The following GRIK2 variants were observed in gnomAD, a reference collection of about 807,000 sequenced individuals.
The protein encoded by GRIK2 is glutamate ionotropic receptor kainate type subunit 2.
Under a neutral mutation model 100.3 loss-of-function variants are expected in GRIK2, and 32 were observed. The observed-to-expected ratio is 0.32, with a 90% CI of 0.24 to 0.43. GRIK2 has a LOEUF of 0.43. Ranked by LOEUF, GRIK2 falls within the 20% of genes least tolerant of loss-of-function variation. The probability of loss-of-function intolerance (pLI) is 1.00; values close to 1 mark genes in which losing one functional copy is unlikely to be tolerated. For missense variants in GRIK2, 843 were observed against 1,114.9 expected, an observed-to-expected ratio of 0.76 and a Z score of 3.47; for synonymous variants, 417 against 389.4, an observed-to-expected ratio of 1.07 and a Z score of -0.83.
At chr6:101,878,742 C>T (rs1000011871) in intron 11 of GRIK2, among the ~76,000 whole-genome samples, 1 of 151,856 alleles carries the variant, frequency 6.6e-6, no homozygotes, top group Non-Finnish European at 1.5e-5. Flanking sequence ...CCTAATCTTT[C>T]TTCATTATTT....
intron 13 of GRIK2, chr6:101,927,309 C>A: frequency 2.7e-6 from 2 of 735,882 alleles, no homozygotes; most frequent in Non-Finnish European, 3.3e-6. Context: ...TACCTTACTG[C>A]ATCAGAGATT....
chr6:101,773,644 T>G (rs977221116), intron 7 of GRIK2, among the ~76,000 whole-genome samples: 3 of 152,138 alleles, frequency 2.0e-5, no homozygotes, highest in Non-Finnish European at 2.9e-5. Context: ...GTTAACATAC[T>G]TGAGATTTTC....
intron 2 of GRIK2, among the ~76,000 whole-genome samples, chr6:101,511,089 T>C (rs1201007927): frequency 3.3e-5 from 5 of 152,182 alleles, no homozygotes; most frequent in Non-Finnish European, 4.4e-5. Flanking sequence ...GGGAAGTTGC[T>C]CTAGCACCAG....
chr6:101,695,988 TA>T (rs896713835), intron 7 of GRIK2, among the ~76,000 whole-genome samples: 6 of 151,838 alleles, frequency 4.0e-5, no homozygotes, highest in Admixed American at 1.3e-4. Flanking sequence ...CATCATAAAA[TA>T]AAAAAAATCA....
chr6:102,050,030 A>G (rs974644436), intron 15 of GRIK2, among the ~76,000 whole-genome samples: 36 of 152,264 alleles, frequency 2.4e-4, no homozygotes, highest in African/African-American at 8.2e-4. Flanking sequence ...AGAAATGCTG[A>G]CTGCATTTAC....
At chr6:101,616,409 A>G (rs1014874030) in intron 2 of GRIK2, among the ~76,000 whole-genome samples, 2 of 151,832 alleles carry the variant, frequency 1.3e-5, no homozygotes, top group African/African-American at 2.4e-5. Context: ...AAATGAACCA[A>G]GGTTAATATA....
intron 12 of GRIK2, among the ~76,000 whole-genome samples, chr6:101,900,431 C>T (rs1389246491): frequency 1.3e-5 from 2 of 152,070 alleles, no homozygotes; most frequent in Non-Finnish European, 2.9e-5. Flanking sequence ...GAGCCGAGAT[C>T]GCGCCATTGC....
At chr6:101,678,704 A>G (rs1033426420) in intron 5 of GRIK2, among the ~76,000 whole-genome samples, 5 of 152,204 alleles carry the variant, frequency 3.3e-5, no homozygotes, top group African/African-American at 1.2e-4. Context: ...TGGAACTCCT[A>G]AGACATGGTA....
chr6:101,632,518 A>G (rs1189047292), intron 4 of GRIK2, among the ~76,000 whole-genome samples: 1 of 152,168 alleles, frequency 6.6e-6, no homozygotes, highest in Non-Finnish European at 1.5e-5. Context: ...TTGCCAAGGA[A>G]TAAATAGATT....
At chr6:101,885,333 C>T (rs971475210) in intron 11 of GRIK2, among the ~76,000 whole-genome samples, 3 of 151,998 alleles carry the variant, frequency 2.0e-5, no homozygotes, top group Admixed American at 2.0e-4. Flanking sequence ...TCATTTTGGG[C>T]AGGGAAATAA....
intron 11 of GRIK2, among the ~76,000 whole-genome samples, chr6:101,883,258 A>C (rs1157703266): frequency 6.7e-6 from 1 of 149,566 alleles, no homozygotes; most frequent in East Asian, 2.0e-4. Flanking sequence ...AAATCAATGA[A>C]AATACAAACC....
chr6:101,933,391 T>C (rs1790410971), intron 14 of GRIK2, among the ~76,000 whole-genome samples: 2 of 151,966 alleles, frequency 1.3e-5, no homozygotes, highest in Non-Finnish European at 2.9e-5. Context: ...TTTCTTGTCC[T>C]ACCTTACATG....
At chr6:101,477,367 T>C (rs777343547) in intron 2 of GRIK2, among the ~76,000 whole-genome samples, 1 of 152,188 alleles carries the variant, frequency 6.6e-6, no homozygotes, top group Non-Finnish European at 1.5e-5. Context: ...GTCAATGTTT[T>C]ATTTTTCAGA....
chr6:101,704,841 T>C (rs1423301232), intron 7 of GRIK2, among the ~76,000 whole-genome samples: 1 of 151,112 alleles, frequency 6.6e-6, no homozygotes, highest in East Asian at 1.9e-4. Context: ...CAAGGAAACA[T>C]TGAGTTCTAT....
At chr6:101,574,279 A>AGT (rs1275363851) in intron 2 of GRIK2, among the ~76,000 whole-genome samples, 1 of 148,254 alleles carries the variant, frequency 6.7e-6, no homozygotes, top group African/African-American at 2.4e-5. Flanking sequence ...AAGCTGTTAA[A>AGT]GTGTATATAT....
rs567982521 is a variant in GRIK2, at chr6:101,897,696, G to A, written c.1748+7833G>A. Among the ~76,000 whole-genome samples the A allele has an allele frequency of 6.6e-5, 10 of 151,952 alleles. No homozygotes were observed. In the East Asian group the frequency reaches 1.7e-3, roughly 26 times the overall value. Reference sequence around the variant, plus strand: ...CCTTTAAAAAGTGAAGTCTGTGCAGGAAGCCAGTGACATAAAGATAATGAA... The same window carrying A: ...CCTTTAAAAAGTGAAGTCTGTGCAGAAAGCCAGTGACATAAAGATAATGAA... On this transcript the variant is annotated intron_variant, in intron 12 of 16. Coordinates refer to ENST00000369134, the MANE Select transcript of GRIK2 (RefSeq NM_021956.5).
At chr6:101,733,279 G>A (rs188869835) in intron 7 of GRIK2, among the ~76,000 whole-genome samples, 1 of 152,202 alleles carries the variant, frequency 6.6e-6, no homozygotes, top group African/African-American at 2.4e-5. Context: ...CTTTTTATAT[G>A]AACCTGTGAA....
At chr6:101,860,896 G>A (rs1784697557) in intron 11 of GRIK2, 3 of 845,576 alleles carry the variant, frequency 3.5e-6, no homozygotes, top group Non-Finnish European at 4.3e-6. Context: ...CAGATATTAG[G>A]AGAAAGTGAA....
intron 1 of GRIK2, chr6:101,398,783 T>C: frequency 2.7e-6 from 1 of 376,708 alleles, no homozygotes; most frequent in Non-Finnish European, 4.7e-6. Context: ...CCGGGAGCCT[T>C]AAGAGGAGAG....
Sources: allele counts gnomAD v4.1 joint callset (sites outside exome capture counted in the v4.1 genomes callset), GRCh38; gene constraint gnomAD v4.1.1; transcripts MANE v1.5; gene names NCBI Gene and HGNC (gene_info 2026-07-23, HGNC 2026-07-21).